SPAST: variants seen among roughly 807,000 people sequenced by gnomAD.
SPAST encodes spastin, also known as spastic paraplegia 4 (autosomal dominant; spastin).
A neutral mutation model predicts 76.6 loss-of-function variants in SPAST; 30 were observed. That is an observed-to-expected ratio of 0.39 (90% CI 0.29 to 0.53). SPAST has a LOEUF of 0.53. Ranked by LOEUF, SPAST falls within the 20% of genes least tolerant of loss-of-function variation. SPAST has a pLI of 0.68. For missense variants in SPAST, 717 were observed against 770.5 expected, an observed-to-expected ratio of 0.93 and a Z score of 0.82; for synonymous variants, 305 against 281.0, an observed-to-expected ratio of 1.09 and a Z score of -0.86.
intron 3 of SPAST, among the ~76,000 whole-genome samples, chr2:32,090,760 C>A (rs764716744): frequency 1.3e-5 from 2 of 152,236 alleles, no homozygotes; most frequent in Middle Eastern, 3.4e-3. Flanking sequence ...TTGCTGCATG[C>A]ATCTTTTGTG....
intron 4 of SPAST, among the ~76,000 whole-genome samples, chr2:32,103,624 A>G (rs1364708701): frequency 6.6e-6 from 1 of 151,612 alleles, no homozygotes; most frequent in Non-Finnish European, 1.5e-5. Flanking sequence ...ATTTCCCTCT[A>G]CACACTACTT....
intron 1 of SPAST, among the ~76,000 whole-genome samples, chr2:32,072,512 G>A (rs544718414): frequency 6.6e-6 from 1 of 152,280 alleles, no homozygotes; most frequent in Admixed American, 6.5e-5. Context: ...TATGAGTCAT[G>A]TCCAACCCCC....
At chr2:32,143,305 G>A in intron 13 of SPAST, 31 bp from the exon 14 acceptor site, 2 of 1,239,312 alleles carry the variant, frequency 1.6e-6, no homozygotes, top group Non-Finnish European at 2.4e-6. Context: ...TCTGAAATTA[G>A]ACTGAATGAT....
chr2:32,132,782 G>T (rs1679413185), intron 9 of SPAST, among the ~76,000 whole-genome samples: 1 of 152,114 alleles, frequency 6.6e-6, no homozygotes, highest in African/African-American at 2.4e-5. Flanking sequence ...GCCGAGGTGG[G>T]CAGGTCAGGA....
chr2:32,077,241 T>C (rs1054469709), intron 1 of SPAST, among the ~76,000 whole-genome samples: 2 of 152,160 alleles, frequency 1.3e-5, no homozygotes, highest in African/African-American at 2.4e-5. Context: ...ATCAGAAAAT[T>C]GTAGGAAAAT....
chr2:32,150,059 T>A (rs1317949916), intron 16 of SPAST, among the ~76,000 whole-genome samples: 1 of 150,670 alleles, frequency 6.6e-6, no homozygotes, highest in Non-Finnish European at 1.5e-5. Flanking sequence ...AAGCTTTTAG[T>A]TTTCTTTCTT....
intron 7 of SPAST, among the ~76,000 whole-genome samples, chr2:32,123,942 C>T (rs185623827): frequency 1.4e-3 from 211 of 151,762 alleles, no homozygotes; most frequent in Non-Finnish European, 2.0e-3. Context: ...TCTAGGATAA[C>T]ATGAGAAAAA....
chr2:32,085,815 A>G (rs896914655), intron 1 of SPAST, among the ~76,000 whole-genome samples: 6 of 151,848 alleles, frequency 4.0e-5, no homozygotes, highest in Non-Finnish European at 8.8e-5. Context: ...CCGAGGTGGG[A>G]GGATCACAAC....
At chr2:32,079,542 G>C (rs1677114903) in intron 1 of SPAST, among the ~76,000 whole-genome samples, 1 of 150,802 alleles carries the variant, frequency 6.6e-6, no homozygotes, top group South Asian at 2.1e-4. Context: ...TCCAACTCAT[G>C]TACACCCGCC....
intron 12 of SPAST, among the ~76,000 whole-genome samples, chr2:32,137,714 T>C (rs537519349): frequency 1.3e-5 from 2 of 152,310 alleles, no homozygotes; most frequent in East Asian, 3.9e-4. Flanking sequence ...AATAACTTGA[T>C]TTTTTTCTCT....
At chr2:32,111,427 A>C in intron 4 of SPAST, among the ~76,000 whole-genome samples, 1 of 146,766 alleles carries the variant, frequency 6.8e-6, no homozygotes, top group East Asian at 2.2e-4. Context: ...TAGTGTATAG[A>C]GTATATATAT....
At chr2:32,064,299 GTC>G in intron 1 of SPAST, 53 bp downstream of exon 1, 5 of 1,165,904 alleles carry the variant, frequency 4.3e-6, no homozygotes, top group Admixed American at 2.3e-5. Flanking sequence ...AGGCGGTGGG[GTC>G]GCCGGGGGAG....
intron 5 of SPAST, 68 bp from the exon 6 acceptor site, chr2:32,115,628 TTTAAGG>T: frequency 8.5e-7 from 1 of 1,182,618 alleles, no homozygotes; most frequent in Admixed American, 1.9e-5. Flanking sequence ...TTCTGTGAAC[TTTAAGG>T]TTAACTTATT....
intron 3 of SPAST, among the ~76,000 whole-genome samples, chr2:32,093,509 C>T (rs1677803838): frequency 2.0e-5 from 3 of 152,074 alleles, no homozygotes; most frequent in African/African-American, 4.8e-5. Context: ...ACCAAACCAC[C>T]TCTTGTCCAC....
At chr2:32,104,582 G>C (rs1462931693) in intron 4 of SPAST, among the ~76,000 whole-genome samples, 2 of 152,130 alleles carry the variant, frequency 1.3e-5, no homozygotes, top group African/African-American at 4.8e-5. Context: ...TTTTGCAGTG[G>C]CTTGTACCGG....
At chr2:32,127,655 C>CT (rs201369526) in intron 8 of SPAST, 8,803 of 141,420 alleles carry the variant, frequency 0.062, 273 homozygotes, top group Middle Eastern at 0.1. Flanking sequence ...TATGTTATAG[C>CT]TTTTTTTTTT....
intron 1 of SPAST, among the ~76,000 whole-genome samples, chr2:32,075,157 T>C (rs890032164): frequency 6.6e-6 from 1 of 151,644 alleles, no homozygotes; most frequent in African/African-American, 2.4e-5. Context: ...GCGTGGTGGC[T>C]CACGCTTGTA....
chr2:32,136,683 T>G (rs1390069902), intron 10 of SPAST, 45 bp downstream of exon 10: 1 of 1,473,868 alleles, frequency 6.8e-7, no homozygotes, highest in South Asian at 1.1e-5. Flanking sequence ...TTTGTGAAAT[T>G]TCCCTCTCCA....
chr2:32,114,896 T>G (rs1207760287), intron 5 of SPAST, 71 bp downstream of exon 5: 2 of 1,086,080 alleles, frequency 1.8e-6, no homozygotes, highest in African/African-American at 3.1e-5. Flanking sequence ...CTATTCCTGC[T>G]TAAGTTGATC....
Sources: allele counts gnomAD v4.1 joint callset (sites outside exome capture counted in the v4.1 genomes callset), GRCh38; gene constraint gnomAD v4.1.1; transcripts MANE v1.5; gene names NCBI Gene and HGNC (gene_info 2026-07-23, HGNC 2026-07-21).